The following ATAD2B variants were observed in gnomAD, a reference collection of about 807,000 sequenced individuals.
The protein encoded by ATAD2B is ATPase family AAA domain containing 2B.
ATAD2B carries 40 observed loss-of-function variants against 167.6 expected under a neutral mutation model. The ratio of observed to expected loss-of-function variants is 0.24; its 90% CI spans 0.19 to 0.31. The LOEUF (loss-of-function observed/expected upper bound fraction) is 0.31, where lower values mean the gene tolerates loss of function less well. Among genes scored for constraint, ATAD2B ranks in the 10% least tolerant of loss-of-function variants. The probability of loss-of-function intolerance (pLI) is 1.00; values close to 1 mark genes in which losing one functional copy is unlikely to be tolerated. For synonymous variants in ATAD2B, 579 were observed against 596.5 expected (o/e 0.97, Z 0.43); for missense variants, 1,242 against 1,757.2 (o/e 0.71, Z 5.24).
intron 6 of ATAD2B, chr2:23,883,502 A>G: frequency 1.6e-6 from 1 of 632,566 alleles, no homozygotes; most frequent in Non-Finnish European, 2.4e-6. Flanking sequence ...TATTACAAGC[A>G]GAATTTCTAA....
intron 13 of ATAD2B, 120 bp from the exon 14 acceptor site, chr2:23,834,198 G>T: frequency 1.6e-6 from 1 of 612,578 alleles, no homozygotes; most frequent in Non-Finnish European, 2.4e-6. Context: ...GTGTCATTCC[G>T]TTGCCCAGGC....
At chr2:23,701,780 T>C in the ATAD2B span, among the ~76,000 whole-genome samples, 1 of 144,556 alleles carries the variant, frequency 6.9e-6, no homozygotes, top group Non-Finnish European at 1.5e-5. Flanking sequence ...TTCGCACACA[T>C]GGCTTTTTTT....
intron 18 of ATAD2B, among the ~76,000 whole-genome samples, chr2:23,801,183 CAG>C (rs1451476466): frequency 6.6e-6 from 1 of 151,314 alleles, no homozygotes; most frequent in African/African-American, 2.4e-5. Flanking sequence ...TCAAAAAGAA[CAG>C]AGTTTGAGAA....
chr2:23,807,919 T>A (rs1483102159), intron 18 of ATAD2B, among the ~76,000 whole-genome samples: 125 of 131,372 alleles, frequency 9.5e-4, no homozygotes, highest in African/African-American at 3.5e-3. Context: ...TATAAATATA[T>A]AAATATATTT....
intron 22 of ATAD2B, 89 bp downstream of exon 22, chr2:23,782,780 T>C: frequency 9.2e-7 from 1 of 1,090,976 alleles, no homozygotes; most frequent in Non-Finnish European, 1.3e-6. Context: ...GAAAATTATC[T>C]ATCTAGAACA....
intron 17 of ATAD2B, among the ~76,000 whole-genome samples, chr2:23,815,374 A>G (rs1265140436): frequency 6.6e-6 from 1 of 152,178 alleles, no homozygotes; most frequent in African/African-American, 2.4e-5. Flanking sequence ...GAAAGAAATA[A>G]AAGGAAAGAA....
At chr2:23,794,556 CCAAACTTTTTTGAT>C (rs1268090434) in intron 19 of ATAD2B, among the ~76,000 whole-genome samples, 1 of 152,004 alleles carries the variant, frequency 6.6e-6, no homozygotes, top group Non-Finnish European at 1.5e-5. Context: ...GCAATGATTT[CCAAACTTTTTTGAT>C]CAAACACCTC....
At chr2:23,886,495 TA>T (rs1253355815) in intron 4 of ATAD2B, among the ~76,000 whole-genome samples, 1 of 152,086 alleles carries the variant, frequency 6.6e-6, no homozygotes, top group African/African-American at 2.4e-5. Context: ...TTGTACAAAA[TA>T]ATTGTATAAA....
chr2:23,765,001 T>C (rs376830440), intron 23 of ATAD2B, among the ~76,000 whole-genome samples: 2 of 152,236 alleles, frequency 1.3e-5, no homozygotes, highest in Non-Finnish European at 2.9e-5. Flanking sequence ...CTGTACTTGA[T>C]TGGTTTTACA....
At chr2:23,818,225 A>G (rs1572891679) in intron 17 of ATAD2B, among the ~76,000 whole-genome samples, 1 of 6,138 alleles carries the variant, frequency 1.6e-4, no homozygotes, top group Non-Finnish European at 3.1e-4. Flanking sequence ...GAGGGAGGGA[A>G]GAAGAGAGGG....
At chr2:23,767,274 T>C (rs1383338027) in intron 22 of ATAD2B, among the ~76,000 whole-genome samples, 1 of 152,126 alleles carries the variant, frequency 6.6e-6, no homozygotes, top group African/African-American at 2.4e-5. Flanking sequence ...TCTCTTTAAA[T>C]TAGCCAATCG....
chr2:23,853,673 C>A (rs182103731), intron 13 of ATAD2B, among the ~76,000 whole-genome samples: 2 of 152,276 alleles, frequency 1.3e-5, no homozygotes, highest in African/African-American at 4.8e-5. Context: ...TAAATCCCAA[C>A]AGTCTTTTCT....
At position 23,874,186 on chromosome 2, in the gene ATAD2B, CAAAAAAAA is replaced by C. The variant is rs552150978; in HGVS notation, c.977+1635_977+1642del. 2.7e-3 allele frequency among the ~76,000 whole-genome samples: 358 copies of C among 134,060 alleles called. 2 individuals are homozygous for C. Among genetic ancestry groups the C allele is most frequent in the South Asian group, 2.6e-3 (11 of 4,196 alleles). 87.9% of individuals were successfully genotyped at this position (134,060 alleles called of 152,430 possible). ...TTGGCGACCAGGGAAGGCTCCATCCCAAAAAAAAAAAGAAAAGAGCTTAAAAGCCAAAG... is the reference window on the plus strand; with the variant it reads ...TTGGCGACCAGGGAAGGCTCCATCCCAAAGAAAAGAGCTTAAAAGCCAAAG... On this transcript the variant is annotated intron_variant, in intron 8 of 27. Coordinates refer to ENST00000238789, the MANE Select transcript of ATAD2B (RefSeq NM_017552.4).
At chr2:23,799,590 GA>G (rs906762582) in intron 18 of ATAD2B, among the ~76,000 whole-genome samples, 3 of 133,244 alleles carry the variant, frequency 2.3e-5, no homozygotes, top group African/African-American at 8.6e-5. Context: ...AAAAAAAAAA[GA>G]AAAGAAAAAT....
chr2:23,835,648 G>A (rs913814820), intron 13 of ATAD2B, among the ~76,000 whole-genome samples: 1 of 151,972 alleles, frequency 6.6e-6, no homozygotes, highest in African/African-American at 2.4e-5. Flanking sequence ...TTAAATAAGT[G>A]AACTGAGCTG....
intron 13 of ATAD2B, among the ~76,000 whole-genome samples, chr2:23,837,063 C>T (rs566958426): frequency 4.6e-5 from 7 of 152,306 alleles, no homozygotes; most frequent in East Asian, 3.9e-4. Context: ...CCAAGCTGTT[C>T]GTGCCAAGGG....
At chr2:23,867,444 A>G (rs1005724545) in intron 10 of ATAD2B, among the ~76,000 whole-genome samples, 1 of 152,226 alleles carries the variant, frequency 6.6e-6, no homozygotes, top group Non-Finnish European at 1.5e-5. Flanking sequence ...CCAGATTACT[A>G]GACTACAGCA....
intron 1 of ATAD2B, among the ~76,000 whole-genome samples, chr2:23,916,596 G>GA (rs1227389653): frequency 6.6e-6 from 1 of 152,108 alleles, no homozygotes; most frequent in African/African-American, 2.4e-5. Context: ...TGGCACATAA[G>GA]AATAATTCCC....
chr2:23,700,740 G>C, the ATAD2B span, among the ~76,000 whole-genome samples: 1 of 152,090 alleles, frequency 6.6e-6, no homozygotes, highest in Non-Finnish European at 1.5e-5. This position sits in a 1 kb window ranked among gnomAD's most constrained non-coding sequence, Gnocchi z 4.6. Flanking sequence ...GACACAAATG[G>C]GTTCTGCACC....
Sources: allele counts gnomAD v4.1 joint callset (sites outside exome capture counted in the v4.1 genomes callset), GRCh38; gene constraint gnomAD v4.1.1; non-coding constraint Gnocchi (gnomAD v3.1); transcripts MANE v1.5; gene names NCBI Gene and HGNC (gene_info 2026-07-23, HGNC 2026-07-21).